The following LRCH1 variants were observed in gnomAD, a reference collection of about 807,000 sequenced individuals.
The protein encoded by LRCH1 is leucine rich repeats and calponin homology domain containing 1.
In LRCH1, 23 loss-of-function variants were observed where a neutral mutation model predicts 94.9. The observed-to-expected ratio is 0.24, with a 90% CI of 0.17 to 0.34. LRCH1 has a LOEUF of 0.34. Ranked by LOEUF, LRCH1 falls within the 10% of genes least tolerant of loss-of-function variation. The pLI is 1.00. For missense variants in LRCH1, 790 were observed against 945.9 expected (o/e 0.84, Z 2.16); for synonymous variants, 364 against 354.9 (o/e 1.03, Z -0.29).
chr13:46,738,830 GA>G (rs1873517021), intron 19 of LRCH1, among the ~76,000 whole-genome samples: 1 of 152,132 alleles, frequency 6.6e-6, no homozygotes, highest in South Asian at 2.1e-4. Context: ...TAGCTATAAA[GA>G]ATGCAACTAA....
At chr13:46,575,510 ATGTGTGTG>A (rs59582784) in intron 1 of LRCH1, among the ~76,000 whole-genome samples, 29 of 143,276 alleles carry the variant, frequency 2.0e-4, no homozygotes, top group African/African-American at 5.2e-4. Context: ...CTGTGCATGA[ATGTGTGTG>A]TGTGTGTGTG....
intron 1 of LRCH1, among the ~76,000 whole-genome samples, chr13:46,604,104 A>G (rs1291563607): frequency 1.3e-5 from 2 of 152,262 alleles, no homozygotes; most frequent in African/African-American, 4.8e-5. Context: ...GCAAATAAAA[A>G]TACAAGACAC....
intron 1 of LRCH1, among the ~76,000 whole-genome samples, chr13:46,604,947 A>G (rs936808480): frequency 1.3e-5 from 2 of 152,210 alleles, no homozygotes; most frequent in African/African-American, 4.8e-5. Context: ...CTAAGGTATA[A>G]TGAACAAAAG....
chr13:46,621,266 C>T (rs1027011164), intron 1 of LRCH1, among the ~76,000 whole-genome samples: 1 of 152,214 alleles, frequency 6.6e-6, no homozygotes, highest in Non-Finnish European at 1.5e-5. Context: ...TCTGTTCATA[C>T]ATCCATCTTT....
chr13:46,673,763 T>C (rs1474726605), intron 3 of LRCH1, among the ~76,000 whole-genome samples: 1 of 148,842 alleles, frequency 6.7e-6, no homozygotes, highest in African/African-American at 2.5e-5. Context: ...TTTTTTTTTT[T>C]TTTTTTTTTG....
intron 13 of LRCH1, chr13:46,705,707 T>C: frequency 2.9e-6 from 1 of 345,112 alleles, no homozygotes. Flanking sequence ...AGAAAACACC[T>C]GAAAGACAAG....
intron 2 of LRCH1, among the ~76,000 whole-genome samples, chr13:46,666,000 GGGGA>G (rs1213457605): frequency 6.6e-6 from 1 of 152,044 alleles, no homozygotes; most frequent in African/African-American, 2.4e-5. Context: ...TTTTTCTATT[GGGGA>G]AATTACAAGT....
chr13:46,557,655 C>T (rs1310686423), intron 1 of LRCH1, among the ~76,000 whole-genome samples: 1 of 151,644 alleles, frequency 6.6e-6, no homozygotes, highest in Admixed American at 6.6e-5. Flanking sequence ...CCAGCCTGAC[C>T]AACATGGTAA....
In LRCH1 at chr13:46,561,093, A is replaced by G. The variant is rs557657851; in HGVS notation, c.307+7390A>G. 7.9e-5 allele frequency among the ~76,000 whole-genome samples: 12 copies of G among 152,268 alleles called. 1 individual carries two copies. In the South Asian group the frequency reaches 2.5e-3, roughly 32 times the overall value. On this transcript the variant is annotated intron_variant, in intron 1 of 19. Transcript: ENST00000389797. ...TGGCCATAAAGGAGGATATAGCTGG[A>G]GAAAAAAATCAGAGAAGAACAGTAT...
intron 1 of LRCH1, among the ~76,000 whole-genome samples, chr13:46,606,465 AT>A (rs2050688582): frequency 6.6e-6 from 1 of 152,078 alleles, no homozygotes. Context: ...TATTTATAGC[AT>A]TTCCCCCCTT....
intron 17 of LRCH1, among the ~76,000 whole-genome samples, chr13:46,725,719 CAAAA>C (rs1872781709): frequency 1.3e-5 from 2 of 151,976 alleles, no homozygotes; most frequent in Admixed American, 1.3e-4. Context: ...AAAAAGAAAA[CAAAA>C]AAACCTCTTA....
intron 1 of LRCH1, among the ~76,000 whole-genome samples, chr13:46,620,912 T>C (rs998811438): frequency 1.3e-5 from 2 of 152,230 alleles, no homozygotes; most frequent in African/African-American, 4.8e-5. Context: ...GGAAGAGATG[T>C]AATCTAATTC....
chr13:46,609,010 G>A (rs1188070195), intron 1 of LRCH1, among the ~76,000 whole-genome samples: 3 of 152,134 alleles, frequency 2.0e-5, no homozygotes, highest in Non-Finnish European at 2.9e-5. Flanking sequence ...CGAGCTGTAT[G>A]GCACCCTTGA....
Position 46,628,092 on chromosome 13 carries a change from A to G in LRCH1, c.308-22109A>G, listed in dbSNP as rs116610683. ...CACTCTAAATCTATGCTACTTTGCA[A>G]GCACAGCACTAACAAAAACAATGAA... On this transcript the variant is annotated intron_variant, in intron 1 of 19. Coordinates refer to ENST00000389797, the MANE Select transcript of LRCH1 (RefSeq NM_001164211.2). Among the ~76,000 whole-genome samples the G allele has an allele frequency of 4.9e-3, 753 of 152,302 alleles. 5 individuals are homozygous for G. The highest frequency in any genetic ancestry group is 0.015 in the African/African-American group (636 of 41,548).
Position 46,744,567 on chromosome 13 carries a change from GTA to G in LRCH1, c.*2722_*2723del, listed in dbSNP as rs1873826840. ...CAGAACTACAATGTATGATAATCGA[GTA>G]TAAATTTCATCAATGAGAGTAGATA... On this transcript the variant is annotated 3_prime_UTR_variant, in exon 20 of 20. Coordinates refer to ENST00000389797, the MANE Select transcript of LRCH1 (RefSeq NM_001164211.2). 2 of 985,382 alleles carry G rather than the reference GTA, an allele frequency of 2.0e-6. No individual in the cohort carries two copies. Among genetic ancestry groups the G allele is most frequent in the South Asian group, 9.4e-5 (2 of 21,276 alleles). The allele number at this position is 985,382 out of a possible 1,614,324, so 61.0% of individuals were successfully genotyped here. A position where few individuals can be genotyped will look rare whatever the true frequency, so the allele number is the denominator to read the frequency against.
At chr13:46,663,760 T>C (rs2051479118) in intron 2 of LRCH1, among the ~76,000 whole-genome samples, 1 of 152,232 alleles carries the variant, frequency 6.6e-6, no homozygotes, top group Admixed American at 6.5e-5. Flanking sequence ...GGATCCTTGC[T>C]AGCTCCTTTC....
chr13:46,636,059 C>CTTTTTT (rs34118906), intron 1 of LRCH1, among the ~76,000 whole-genome samples: 3 of 73,534 alleles, frequency 4.1e-5, no homozygotes, highest in East Asian at 5.1e-4. Context: ...CCATGTCAAC[C>CTTTTTT]TTTTTTTTTT....
chr13:46,725,210 A>T (rs908639508), intron 17 of LRCH1, among the ~76,000 whole-genome samples: 2 of 151,444 alleles, frequency 1.3e-5, no homozygotes, highest in African/African-American at 2.5e-5. Flanking sequence ...AAAAGGGGAG[A>T]GATAGGGGGT....
intron 18 of LRCH1, among the ~76,000 whole-genome samples, chr13:46,730,983 TAAAC>T (rs1401209825): frequency 6.6e-6 from 1 of 152,066 alleles, no homozygotes; most frequent in Non-Finnish European, 1.5e-5. Context: ...ATTTTAAAAT[TAAAC>T]AAATAATAGG....
Sources: gnomAD v4.1 joint callset for allele counts (sites outside exome capture counted in the v4.1 genomes callset) on GRCh38, gnomAD v4.1.1 for gene constraint, MANE v1.5 for transcripts, NCBI Gene and HGNC (gene_info 2026-07-23, HGNC 2026-07-21) for gene names.